Variants in FLI1 observed in about 807,000 individuals in gnomAD.
The protein encoded by FLI1 is Fli-1 proto-oncogene, ETS transcription factor.
A neutral mutation model predicts 53.1 loss-of-function variants in FLI1; 13 were observed. That is an observed-to-expected ratio of 0.24 (90% confidence interval 0.16 to 0.39). The LOEUF (loss-of-function observed/expected upper bound fraction) is 0.39, where lower values mean the gene tolerates loss of function less well. Among genes scored for constraint, FLI1 ranks in the 10% least tolerant of loss-of-function variants. The probability of loss-of-function intolerance (pLI) is 1.00; values close to 1 mark genes in which losing one functional copy is unlikely to be tolerated. For missense variants in FLI1, 424 were observed against 600.5 expected (o/e 0.71, Z 3.07); for synonymous variants, 244 against 236.7 (o/e 1.03, Z -0.28).
At chr11:128,724,376 G>A (rs1463211079) in intron 1 of FLI1, among the ~76,000 whole-genome samples, 2 of 152,196 alleles carry the variant, frequency 1.3e-5, no homozygotes, top group Non-Finnish European at 2.9e-5. Flanking sequence ...GGCAGCAGGT[G>A]AGGAGGCAGG....
chr11:128,693,582 A>T (rs1937854210), upstream of FLI1, among the ~76,000 whole-genome samples: 1 of 151,312 alleles, frequency 6.6e-6, no homozygotes, highest in Non-Finnish European at 1.5e-5. Context: ...TATCTGTGGG[A>T]AGAAACGGAA....
Position 128,781,995 on chromosome 11 carries a change from C to A in FLI1, c.627C>A (p.Asp209Glu), listed in dbSNP as rs768967434. Residue 209 changes from aspartate to glutamate, a missense_variant, in exon 5 of 9, where the codon GAC becomes GAA. Transcript: ENST00000527786. ...CCTATAATACAACCTCCCACACCGA[C>A]CAATCCTCACGATTGAGTGTCAAAG... ...LLAYNTTSHT[D>E]QSSRLSVKED... 1.9e-6 allele frequency: 3 copies of A among 1,613,954 alleles called. No individual in the cohort carries two copies. The highest frequency in any genetic ancestry group is 1.7e-6 in the Non-Finnish European group (2 of 1,179,836).
intron 5 of FLI1, among the ~76,000 whole-genome samples, chr11:128,800,828 T>C (rs1488296777): frequency 2.6e-5 from 4 of 152,188 alleles, no homozygotes; most frequent in Non-Finnish European, 5.9e-5. Context: ...CCTCTTTGCT[T>C]TGGCAAGAGT....
At chr11:128,782,807 G>C (rs973789866) in intron 5 of FLI1, among the ~76,000 whole-genome samples, 4 of 152,154 alleles carry the variant, frequency 2.6e-5, no homozygotes, top group African/African-American at 9.7e-5. Context: ...AATGATTTTT[G>C]CCAGTGAAGA....
chr11:128,810,200 C>T lies in FLI1; in HGVS notation c.830-259C>T, dbSNP rs1942902272. Reference sequence around the variant, plus strand: ...AGCTAGTTCTGGGCAGAGTTTGCACCTCACTTCCCACATTCCATTTACCAG... The same window carrying T: ...AGCTAGTTCTGGGCAGAGTTTGCACTTCACTTCCCACATTCCATTTACCAG... On this transcript the variant is annotated intron_variant, in intron 8 of 8. Coordinates refer to ENST00000527786, the MANE Select transcript of FLI1 (RefSeq NM_002017.5). This position sits in a 1 kb window ranked among gnomAD's most constrained non-coding sequence, Gnocchi z 6.6. 6.6e-6 allele frequency among the ~76,000 whole-genome samples: 1 copy of T among 151,924 alleles called. No homozygotes were observed. The highest frequency in any genetic ancestry group is 2.4e-5 in the African/African-American group (1 of 41,334).
intron 2 of FLI1, among the ~76,000 whole-genome samples, chr11:128,767,012 G>A (rs887237009): frequency 3.4e-5 from 5 of 148,838 alleles, no homozygotes; most frequent in African/African-American, 1.2e-4. Context: ...TGAGCAGCGG[G>A]CACTGGGTGT....
chr11:128,804,388 T>C (rs1252858713), intron 5 of FLI1: 4 of 152,238 alleles, frequency 2.6e-5, no homozygotes. Context: ...CTGCTATTCC[T>C]GCTCAATGTC....
At chr11:128,751,879 T>G (rs1362908278) in intron 1 of FLI1, among the ~76,000 whole-genome samples, 2 of 150,382 alleles carry the variant, frequency 1.3e-5, no homozygotes, top group Admixed American at 1.3e-4. Flanking sequence ...CCTAGGCTGG[T>G]CTTGAATGCC....
At chr11:128,749,231 T>A (rs1455310121) in intron 1 of FLI1, among the ~76,000 whole-genome samples, 2 of 152,190 alleles carry the variant, frequency 1.3e-5, no homozygotes, top group Admixed American at 1.3e-4. Flanking sequence ...GAATATGGGT[T>A]TTCGGTTGCT....
At chr11:128,753,457 C>T (rs1037332810) in intron 1 of FLI1, among the ~76,000 whole-genome samples, 9 of 152,206 alleles carry the variant, frequency 5.9e-5, no homozygotes, top group Non-Finnish European at 1.3e-4. Flanking sequence ...AATGTAGTCC[C>T]TCTGAGGATG....
intron 3 of FLI1, among the ~76,000 whole-genome samples, chr11:128,772,143 C>T (rs1051892864): frequency 6.6e-6 from 1 of 152,000 alleles, no homozygotes; most frequent in Non-Finnish European, 1.5e-5. Flanking sequence ...CAGTGGTTAC[C>T]TTACCTGTGT....
intron 1 of FLI1, among the ~76,000 whole-genome samples, chr11:128,717,555 T>C (rs183122533): frequency 6.6e-6 from 1 of 152,258 alleles, no homozygotes; most frequent in Admixed American, 6.5e-5. Context: ...TGCCTTTGTT[T>C]GTGTGCATGC....
At chr11:128,712,960 T>C (rs1284651742) in intron 1 of FLI1, among the ~76,000 whole-genome samples, 1 of 152,224 alleles carries the variant, frequency 6.6e-6, no homozygotes, top group African/African-American at 2.4e-5. Context: ...GGCTTTCTCA[T>C]GGGGAGATCT....
chr11:128,718,797 A>C (rs1939125862), intron 1 of FLI1, among the ~76,000 whole-genome samples: 1 of 152,210 alleles, frequency 6.6e-6, no homozygotes, highest in Non-Finnish European at 1.5e-5. Flanking sequence ...TGTGTTATTT[A>C]TCTGTGCCCC....
At chr11:128,764,087 C>A (rs1427025039) in intron 2 of FLI1, among the ~76,000 whole-genome samples, 4 of 152,198 alleles carry the variant, frequency 2.6e-5, no homozygotes, top group Non-Finnish European at 4.4e-5. Flanking sequence ...GACAGTGAGC[C>A]TGGGCTCAGA....
Position 128,805,372 on chromosome 11 carries a change from C to A in FLI1, c.662C>A (p.Ser221Tyr). ...SSRLSVKEDPSYDSVRRGAWG... is the reference protein window; with the variant it reads ...SSRLSVKEDPYYDSVRRGAWG... ...ATTTGTTATTGTTCATTAGACCCTTCTTATGACTCAGTCAGAAGAGGAGCT... is the reference window on the plus strand; with the variant it reads ...ATTTGTTATTGTTCATTAGACCCTTATTATGACTCAGTCAGAAGAGGAGCT... The change falls in exon 6 of 9, where the codon TCT becomes TAT. Residue 221 changes from serine to tyrosine, a missense_variant. Physicochemically the swap from Ser to Tyr is moderately radical, Grantham distance 144. Around this residue, in one of 5 missense-constraint regions of FLI1, gnomAD observed 114 missense variants for 117.9 expected, o/e 0.97. Coordinates refer to ENST00000527786, the MANE Select transcript of FLI1 (RefSeq NM_002017.5). 6.3e-7 allele frequency: 1 copy of A among 1,583,882 alleles called. No homozygotes were observed. The highest frequency in any genetic ancestry group is 1.1e-5 in the South Asian group (1 of 87,142).
intron 1 of FLI1, among the ~76,000 whole-genome samples, chr11:128,701,362 A>G (rs644818): frequency 0.51 from 76,961 of 151,896 alleles, 19,720 homozygotes; most frequent in African/African-American, 0.58. Context: ...CTCAAATCAA[A>G]TTTCTGTGGG....
intron 1 of FLI1, among the ~76,000 whole-genome samples, chr11:128,723,933 A>ATTTTTT (rs376612983): frequency 2.5e-5 from 2 of 80,994 alleles, no homozygotes; most frequent in Non-Finnish European, 2.2e-5. Flanking sequence ...AATGGAGTTG[A>ATTTTTT]TTTTTTTTTT....
At chr11:128,732,012 A>AG (rs1211048802) in intron 1 of FLI1, among the ~76,000 whole-genome samples, 2 of 149,136 alleles carry the variant, frequency 1.3e-5, no homozygotes, top group African/African-American at 5.1e-5. Flanking sequence ...CAAAAAAAAA[A>AG]AGAAAAGAAA....
Sources: gnomAD v4.1 joint callset for allele counts (sites outside exome capture counted in the v4.1 genomes callset) on GRCh38, gnomAD v4.1.1 for gene constraint, gnomAD v4.1.1 regional missense constraint, Gnocchi (gnomAD v3.1) non-coding constraint, MANE v1.5 for transcripts, NCBI Gene and HGNC (gene_info 2026-07-23, HGNC 2026-07-21) for gene names.